The following LRMDA variants were observed in gnomAD, a reference collection of about 807,000 sequenced individuals.
LRMDA encodes the protein leucine rich melanocyte differentiation associated.
In LRMDA, 18 loss-of-function variants were observed where a neutral mutation model predicts 29.8. The observed-to-expected ratio is 0.60, with a 90% CI of 0.42 to 0.90. The LOEUF (loss-of-function observed/expected upper bound fraction) is 0.90. Ranked by LOEUF, LRMDA falls within the 40% of genes least tolerant of loss-of-function variation. The probability of loss-of-function intolerance (pLI) is 0.00; values close to 1 mark genes in which losing one functional copy is unlikely to be tolerated. For synonymous variants in LRMDA, 125 were observed against 109.4 expected, an observed-to-expected ratio of 1.14 and a Z score of -0.89; for missense variants, 273 against 273.9, an observed-to-expected ratio of 1.00 and a Z score of 0.02.
At chr10:75,865,193 G>C (rs897293743) in intron 2 of LRMDA, among the ~76,000 whole-genome samples, 2 of 152,148 alleles carry the variant, frequency 1.3e-5, no homozygotes, top group African/African-American at 2.4e-5. Flanking sequence ...AGTATTTACT[G>C]TATGATTCCA....
intron 5 of LRMDA, among the ~76,000 whole-genome samples, chr10:76,223,619 G>A (rs1293595899): frequency 1.3e-5 from 2 of 152,080 alleles, no homozygotes; most frequent in African/African-American, 2.4e-5. Flanking sequence ...GGCTCCCAGA[G>A]AGCTTTCCTG....
At chr10:76,543,357 T>TA (rs1327006085) in intron 6 of LRMDA, among the ~76,000 whole-genome samples, 6 of 135,216 alleles carry the variant, frequency 4.4e-5, no homozygotes, top group South Asian at 2.3e-4. Context: ...TGTGTGTGTG[T>TA]GTGTAGAGAG....
At chr10:75,580,082 C>A (rs1840567049) in intron 2 of LRMDA, among the ~76,000 whole-genome samples, 1 of 152,036 alleles carries the variant, frequency 6.6e-6, no homozygotes, top group Admixed American at 6.6e-5. Flanking sequence ...GGTAATCAGG[C>A]AAGAGAAAGA....
chr10:75,502,260 T>C (rs1029647933), intron 2 of LRMDA, among the ~76,000 whole-genome samples: 7 of 152,148 alleles, frequency 4.6e-5, no homozygotes, highest in Non-Finnish European at 1.0e-4. Flanking sequence ...CCCAGGAAGC[T>C]GAGGAGGACA....
intron 5 of LRMDA, among the ~76,000 whole-genome samples, chr10:76,147,938 G>A (rs766668705): frequency 5.9e-5 from 9 of 152,188 alleles, no homozygotes; most frequent in Non-Finnish European, 1.0e-4. Context: ...GTTGGAGTTT[G>A]CTAGAGGTCC....
chr10:75,573,021 G>C (rs1840456361), intron 2 of LRMDA, among the ~76,000 whole-genome samples: 1 of 152,234 alleles, frequency 6.6e-6, no homozygotes, highest in Non-Finnish European at 1.5e-5. Context: ...AGAACTGTGA[G>C]TAAATGGACT....
intron 2 of LRMDA, among the ~76,000 whole-genome samples, chr10:75,811,758 C>T (rs1843964885): frequency 6.6e-6 from 1 of 152,154 alleles, no homozygotes; most frequent in South Asian, 2.1e-4. Context: ...GTCAGTGGTC[C>T]CTCCTTGGGC....
At chr10:75,760,605 G>T (rs1211336524) in intron 2 of LRMDA, among the ~76,000 whole-genome samples, 1 of 152,148 alleles carries the variant, frequency 6.6e-6, no homozygotes. Context: ...CCCTGCCCCT[G>T]TCCCCATATT....
At chr10:76,066,619 G>T (rs1848790171) in intron 5 of LRMDA, among the ~76,000 whole-genome samples, 1 of 152,184 alleles carries the variant, frequency 6.6e-6, no homozygotes, top group Non-Finnish European at 1.5e-5. Context: ...CTGATGGAAG[G>T]CAGGGGTGAA....
intron 5 of LRMDA, among the ~76,000 whole-genome samples, chr10:76,130,662 T>C (rs1849974108): frequency 6.6e-6 from 1 of 152,112 alleles, no homozygotes; most frequent in Non-Finnish European, 1.5e-5. Flanking sequence ...CAGCTTAGCC[T>C]ATCTTTTTTT....
At chr10:75,578,045 C>T (rs531819784) in intron 2 of LRMDA, among the ~76,000 whole-genome samples, 9 of 151,646 alleles carry the variant, frequency 5.9e-5, no homozygotes, top group African/African-American at 9.7e-5. Context: ...ACAATATTAA[C>T]CTTAAATGTA....
At chr10:75,649,952 ATTTTTG>A (rs1841575815) in intron 2 of LRMDA, among the ~76,000 whole-genome samples, 1 of 152,080 alleles carries the variant, frequency 6.6e-6, no homozygotes, top group African/African-American at 2.4e-5. Context: ...TCCTTTGCCC[ATTTTTG>A]AATTGAGTCT....
intron 2 of LRMDA, among the ~76,000 whole-genome samples, chr10:75,810,209 G>T (rs574376135): frequency 6.6e-6 from 1 of 152,322 alleles, no homozygotes; most frequent in East Asian, 1.9e-4. Flanking sequence ...CAGTAGAGTT[G>T]GTGATAGGGA....
At chr10:76,499,075 G>GA (rs2132341323) in intron 6 of LRMDA, among the ~76,000 whole-genome samples, 1 of 75,490 alleles carries the variant, frequency 1.3e-5, no homozygotes, top group African/African-American at 3.2e-5. Flanking sequence ...CTGTTGAAAA[G>GA]AAAAATAACT....
intron 2 of LRMDA, among the ~76,000 whole-genome samples, chr10:75,481,942 A>C (rs1844860359): frequency 6.6e-6 from 1 of 152,166 alleles, no homozygotes; most frequent in Admixed American, 6.5e-5. Flanking sequence ...AGTTTCAGCT[A>C]CACTTTCTTA....
At chr10:76,082,942 A>C (rs1423852299) in intron 5 of LRMDA, among the ~76,000 whole-genome samples, 1 of 152,222 alleles carries the variant, frequency 6.6e-6, no homozygotes, top group Non-Finnish European at 1.5e-5. Context: ...GAGTTGAAGG[A>C]AATTCCAGGA....
intron 2 of LRMDA, among the ~76,000 whole-genome samples, chr10:75,626,657 T>C (rs1272868195): frequency 6.6e-6 from 1 of 152,140 alleles, no homozygotes; most frequent in Non-Finnish European, 1.5e-5. Flanking sequence ...ATTTGGCAGG[T>C]TACAGTGCAA....
At chr10:76,413,106 C>T (rs945857953) in intron 6 of LRMDA, among the ~76,000 whole-genome samples, 8 of 152,132 alleles carry the variant, frequency 5.3e-5, no homozygotes, top group Non-Finnish European at 1.2e-4. Flanking sequence ...TCTCTATCTG[C>T]TCCCTTTCTC....
intron 6 of LRMDA, among the ~76,000 whole-genome samples, chr10:76,376,726 C>T (rs1004825249): frequency 7.9e-5 from 12 of 152,212 alleles, no homozygotes; most frequent in African/African-American, 2.9e-4. Flanking sequence ...TTCTTGCCAA[C>T]ATCTGTTGTA....
Sources: gnomAD v4.1 joint callset for allele counts (sites outside exome capture counted in the v4.1 genomes callset) on GRCh38, gnomAD v4.1.1 for gene constraint, MANE v1.5 for transcripts, NCBI Gene and HGNC (gene_info 2026-07-23, HGNC 2026-07-21) for gene names.